The following CCZ1B variants were observed in gnomAD, a reference collection of about 807,000 sequenced individuals.
CCZ1B encodes the protein CCZ1B vacuolar protein trafficking and biogenesis associated, also known as vacuolar fusion protein CCZ1 homolog B.
CCZ1B carries 25 observed loss-of-function variants against 58.8 expected under a neutral mutation model. The ratio of observed to expected loss-of-function variants is 0.43; its 90% CI spans 0.31 to 0.59. The LOEUF (loss-of-function observed/expected upper bound fraction) is 0.59. Ranked by LOEUF, CCZ1B falls within the 20% of genes least tolerant of loss-of-function variation. CCZ1B has a pLI of 0.12. For synonymous variants in CCZ1B, 66 were observed against 173.2 expected (o/e 0.38, Z 4.86); for missense variants, 180 against 501.5 (o/e 0.36, Z 6.12).
rs1471276813 is a variant in CCZ1B at position 6,819,243 on chromosome 7, T to C, written c.698+523A>G. Among the ~76,000 whole-genome samples, 5 of 146,538 alleles carry C rather than the reference T, an allele frequency of 3.4e-5. 1 individual carries two copies. Among genetic ancestry groups the C allele is most frequent in the African/African-American group, 5.2e-5 (2 of 38,766 alleles). On this transcript the variant is annotated intron_variant, in intron 7 of 14. Transcript: ENST00000316731. ...AATCTTACTTGATAGGAACATTCTT[T>C]TTTTTTTTTTGGAGACAGAGTCTCT...
intron 5 of CCZ1B, 165 bp from the exon 6 acceptor site, chr7:6,822,529 G>C (rs1277277334): frequency 1.0e-5 from 13 of 1,286,200 alleles, no homozygotes; most frequent in East Asian, 8.0e-5. Flanking sequence ...AAAAATGTAA[G>C]TTACAAAAAA....
intron 10 of CCZ1B, among the ~76,000 whole-genome samples, chr7:6,808,764 A>G (rs1400928935): frequency 1.3e-5 from 2 of 152,114 alleles, no homozygotes; most frequent in African/African-American, 2.4e-5. Context: ...GCTGGAGTGC[A>G]GTGGCACGAT....
Position 6,801,865 on chromosome 7 carries a change from C to T in CCZ1B, c.1107-342G>A, listed in dbSNP as rs1277804198. On this transcript the variant is annotated intron_variant, in intron 12 of 14. Coordinates refer to ENST00000316731, the MANE Select transcript of CCZ1B (RefSeq NM_198097.5). ...CAGGGATTACAGGCGTGAGCCCCCG[C>T]GCCCGGCCCTGGCCCTCTTTTTCTA... Among the ~76,000 whole-genome samples the T allele has an allele frequency of 2.6e-4, 30 of 115,434 alleles. No individual in the cohort carries two copies. The East Asian group carries it at 5.1e-3, about 19-fold the overall frequency. 75.7% of individuals were successfully genotyped at this position (115,434 alleles called of 152,430 possible).
chr7:6,819,997 C>T (rs919915774), intron 6 of CCZ1B, 56 bp from the exon 7 acceptor site: 2 of 1,357,196 alleles, frequency 1.5e-6, no homozygotes, highest in Middle Eastern at 1.8e-4. Context: ...ATATAATGCT[C>T]CTTGATAACT....
intron 7 of CCZ1B, among the ~76,000 whole-genome samples, chr7:6,815,645 C>T (rs1191308800): frequency 2.0e-5 from 3 of 148,908 alleles, no homozygotes; most frequent in Non-Finnish European, 3.0e-5. Context: ...AGGCTCACCA[C>T]CTGACCGCGA....
At chr7:6,824,860 C>T (rs957120108) in intron 1 of CCZ1B, 123 bp from the exon 2 acceptor site, 5 of 1,319,554 alleles carry the variant, frequency 3.8e-6, no homozygotes, top group Non-Finnish European at 5.1e-6. Flanking sequence ...AAACAAAAAC[C>T]GGTTTTAGAA....
At position 6,815,989 on chromosome 7, in the gene CCZ1B, G is replaced by A. The variant is rs1247973718; in HGVS notation, c.699-1144C>T. Among the ~76,000 whole-genome samples, 7 of 144,940 alleles carry A rather than the reference G, an allele frequency of 4.8e-5. 1 individual carries two copies. The highest frequency in any genetic ancestry group is 2.1e-4 in the Admixed American group (3 of 14,394). On this transcript the variant is annotated intron_variant, in intron 7 of 14. Transcript: ENST00000316731. Reference sequence around the variant, plus strand: ...AAATGTACATGGATTTTAATTCTCCGGATCTTCGGTGAAGAAAGAGGAGGA... The same window carrying A: ...AAATGTACATGGATTTTAATTCTCCAGATCTTCGGTGAAGAAAGAGGAGGA...
At chr7:6,804,507 G>A (rs1333098560) in intron 12 of CCZ1B, among the ~76,000 whole-genome samples, 1 of 112,284 alleles carries the variant, frequency 8.9e-6, no homozygotes, top group Admixed American at 1.1e-4. Flanking sequence ...CTCCCACTCA[G>A]TGTAGACACT....
At chr7:6,816,857 A>G (rs542248466) in intron 7 of CCZ1B, among the ~76,000 whole-genome samples, 50 of 151,426 alleles carry the variant, frequency 3.3e-4, no homozygotes, top group African/African-American at 1.1e-3. Flanking sequence ...GGCTCAAGTG[A>G]TTCTCCAGCC....
At position 6,815,750 on chromosome 7, in the gene CCZ1B, C is replaced by T. The variant is rs532775817; in HGVS notation, c.699-905G>A. ...CTCCTACAGTCCTGTATTTTACATG[C>T]CATTTGAGATGAAAAAAAAAGTCAC... On this transcript the variant is annotated intron_variant, in intron 7 of 14. Coordinates refer to ENST00000316731, the MANE Select transcript of CCZ1B (RefSeq NM_198097.5). Among the ~76,000 whole-genome samples the T allele has an allele frequency of 5.6e-4, 84 of 149,332 alleles. 5 individuals carry two copies. Among genetic ancestry groups the T allele is most frequent in the East Asian group, 2.1e-3 (11 of 5,184 alleles).
chr7:6,811,962 A>G lies in CCZ1B; in HGVS notation c.944T>C (p.Ile315Thr), dbSNP rs1417298121. ...GAAAACAGTTGTTACCTTATAAACG[A>G]TTAAATGGAGCTCTTCATAAGTGTC... is the stretch of plus-strand genomic sequence containing the variant. ...TDDTYEELHL[I>T]VYKAMSAAVC... Residue 315 changes from isoleucine to threonine, a missense_variant, in exon 10 of 15, where the codon ATC becomes ACC. Ile to Thr is a moderately conservative substitution (Grantham distance 89). Transcript: ENST00000316731. The G allele has an allele frequency of 1.9e-6, 3 of 1,580,178 alleles. No individual in the cohort carries two copies. The African/African-American group carries it at 4.3e-5, about 22-fold the overall frequency.
At chr7:6,823,086 G>A (rs1783136968) in intron 5 of CCZ1B, among the ~76,000 whole-genome samples, 2 of 148,370 alleles carry the variant, frequency 1.3e-5, no homozygotes, top group Non-Finnish European at 3.0e-5. Flanking sequence ...CATCAATGGG[G>A]ACACATTCCT....
intron 3 of CCZ1B, 104 bp downstream of exon 3, chr7:6,824,351 T>G (rs968710526): frequency 1.3e-5 from 17 of 1,317,384 alleles, no homozygotes; most frequent in East Asian, 2.5e-5. Context: ...ATTTTAATTT[T>G]ACTTGGATGC....
intron 10 of CCZ1B, among the ~76,000 whole-genome samples, chr7:6,809,498 A>C (rs886990008): frequency 4.1e-5 from 6 of 146,440 alleles, no homozygotes; most frequent in African/African-American, 1.6e-4. Flanking sequence ...TGGAGATTTC[A>C]GTCATTACCT....
chr7:6,818,001 T>G (rs7799645), intron 7 of CCZ1B, among the ~76,000 whole-genome samples: 1 of 142,532 alleles, frequency 7.0e-6, no homozygotes, highest in Non-Finnish European at 1.5e-5. Context: ...GCGACTCCAT[T>G]TCAAAAACAA....
At chr7:6,816,668 C>T (rs1583554085) in intron 7 of CCZ1B, among the ~76,000 whole-genome samples, 2 of 150,808 alleles carry the variant, frequency 1.3e-5, no homozygotes, top group Admixed American at 1.3e-4. Context: ...GTAGCTGGGA[C>T]TATAGGTATG....
chr7:6,817,312 C>T (rs7808525), intron 7 of CCZ1B, among the ~76,000 whole-genome samples: 11 of 150,310 alleles, frequency 7.3e-5, no homozygotes, highest in Non-Finnish European at 1.5e-4. Context: ...CAGGGTCTCC[C>T]AGAATGAGCT....
At chr7:6,821,553 G>A (rs1411755803) in intron 6 of CCZ1B, among the ~76,000 whole-genome samples, 3 of 152,268 alleles carry the variant, frequency 2.0e-5, no homozygotes, top group Non-Finnish European at 4.4e-5. Flanking sequence ...AATAGATACA[G>A]AAGGTATTTT....
chr7:6,812,319 T>C lies in CCZ1B; in HGVS notation c.843-256A>G, dbSNP rs1415749818. On this transcript the variant is annotated intron_variant, in intron 9 of 14. Transcript: ENST00000316731. ...GCCTGGCCAACATGGCAAAACCTCA[T>C]CTCTACTAAAACTACAAAAATTAGC... The C allele has an allele frequency of 6.1e-5, 27 of 440,624 alleles. 1 individual carries two copies. Among genetic ancestry groups the C allele is most frequent in the African/African-American group, 5.9e-4 (27 of 45,748 alleles). The allele number at this position is 440,624 out of a possible 1,614,324, so 27.3% of individuals were successfully genotyped here. A position where few individuals can be genotyped will look rare whatever the true frequency, so the allele number is the denominator to read the frequency against.
Sources: gnomAD v4.1 joint callset for allele counts (sites outside exome capture counted in the v4.1 genomes callset) on GRCh38, gnomAD v4.1.1 for gene constraint, MANE v1.5 for transcripts, NCBI Gene and HGNC (gene_info 2026-07-23, HGNC 2026-07-21) for gene names.